ERBB4: variants seen among roughly 807,000 people sequenced by gnomAD.
ERBB4 encodes the protein receptor tyrosine-protein kinase erbB-4.
In ERBB4, 42 loss-of-function variants were observed where a neutral mutation model predicts 158.0. That is an observed-to-expected ratio of 0.27 (90% confidence interval 0.21 to 0.34). The LOEUF (loss-of-function observed/expected upper bound fraction) is 0.34. Among genes scored for constraint, ERBB4 ranks in the 10% least tolerant of loss-of-function variants. ERBB4 has a pLI of 1.00. For synonymous variants in ERBB4, 583 were observed against 558.7 expected (o/e 1.04, Z -0.61); for missense variants, 1,333 against 1,624.1 (o/e 0.82, Z 3.08).
chr2:212,415,729 A>T (rs1156414609), intron 1 of ERBB4, among the ~76,000 whole-genome samples: 1 of 152,156 alleles, frequency 6.6e-6, no homozygotes, highest in Non-Finnish European at 1.5e-5. Flanking sequence ...ATGAGTGTCT[A>T]GTTAAATATC....
At chr2:211,790,274 G>A (rs572540314) in intron 3 of ERBB4, among the ~76,000 whole-genome samples, 13 of 151,404 alleles carry the variant, frequency 8.6e-5, no homozygotes, top group African/African-American at 3.1e-4. Flanking sequence ...CTGCTATCCA[G>A]GAAATAAAGG....
Position 212,290,679 on chromosome 2 carries a change from T to C in ERBB4, c.83-165776A>G, listed in dbSNP as rs548516305. Among the ~76,000 whole-genome samples the C allele has an allele frequency of 3.2e-4, 49 of 151,896 alleles. 1 individual carries two copies. In the South Asian group the frequency reaches 6.0e-3, roughly 19 times the overall value. On this transcript the variant is annotated intron_variant, in intron 1 of 27. Transcript: ENST00000342788. ...ATTTCTTTTCGTGTGTGTGTGTGTG[T>C]GCGTGTGTGCACGTACACATGCAAG...
At chr2:212,531,454 C>T (rs1474362006) in intron 1 of ERBB4, among the ~76,000 whole-genome samples, 1 of 152,134 alleles carries the variant, frequency 6.6e-6, no homozygotes, top group Admixed American at 6.5e-5. Flanking sequence ...AGAACTATGT[C>T]TTAGTTAGGG....
At chr2:212,495,371 T>C (rs948689941) in intron 1 of ERBB4, among the ~76,000 whole-genome samples, 1 of 152,160 alleles carries the variant, frequency 6.6e-6, no homozygotes, top group African/African-American at 2.4e-5. Context: ...TAGTTTAAAC[T>C]TGGTAAGTTT....
intron 4 of ERBB4, among the ~76,000 whole-genome samples, chr2:211,765,005 G>A (rs528051638): frequency 6.6e-6 from 1 of 152,292 alleles, no homozygotes; most frequent in South Asian, 2.1e-4. Context: ...TGTGATAAAT[G>A]AGCGGTTTAG....
At chr2:212,315,038 G>C (rs1033876228) in intron 1 of ERBB4, among the ~76,000 whole-genome samples, 5 of 151,216 alleles carry the variant, frequency 3.3e-5, no homozygotes, top group Admixed American at 6.6e-5. Flanking sequence ...AGTCATGAGG[G>C]AACAGGAGCT....
intron 1 of ERBB4, among the ~76,000 whole-genome samples, chr2:212,362,183 T>C (rs1037664434): frequency 4.0e-5 from 6 of 151,512 alleles, no homozygotes; most frequent in African/African-American, 1.5e-4. Context: ...TTATTTTCTG[T>C]ACTGGCAGAT....
chr2:212,209,218 T>G (rs919612123), intron 1 of ERBB4, among the ~76,000 whole-genome samples: 1 of 152,188 alleles, frequency 6.6e-6, no homozygotes, highest in Non-Finnish European at 1.5e-5. Flanking sequence ...TTGCTGCATA[T>G]GAAACATTCT....
chr2:211,428,205 C>CAGAACTTAAAATAAAATAAAATAAA (rs2063672633), intron 22 of ERBB4, among the ~76,000 whole-genome samples: 1 of 109,232 alleles, frequency 9.2e-6, no homozygotes, highest in East Asian at 2.9e-4. Context: ...ATGTGTATCG[C>CAGAACTTAAAATAAAATAAAATAAA]AGAACTTAAA....
intron 17 of ERBB4, among the ~76,000 whole-genome samples, chr2:211,625,682 C>T (rs1014428553): frequency 5.3e-5 from 8 of 152,240 alleles, no homozygotes; most frequent in Admixed American, 4.6e-4. Context: ...CATTTGAAGG[C>T]AACTCAACCA....
intron 1 of ERBB4, among the ~76,000 whole-genome samples, chr2:212,244,407 A>T (rs1257384944): frequency 3.9e-5 from 6 of 152,266 alleles, no homozygotes; most frequent in African/African-American, 1.4e-4. Context: ...TACAACTGTG[A>T]TCTTGCCTTT....
intron 2 of ERBB4, among the ~76,000 whole-genome samples, chr2:212,096,805 G>A (rs1338061985): frequency 1.3e-5 from 2 of 152,118 alleles, no homozygotes. Context: ...TTGGGTGCCA[G>A]ACAATGGGTA....
chr2:211,396,954 T>C lies in ERBB4; in HGVS notation c.3136-8962A>G, dbSNP rs139216485. 6.8e-3 allele frequency among the ~76,000 whole-genome samples: 1,040 copies of C among 152,318 alleles called. 14 individuals are homozygous for C. Among genetic ancestry groups the C allele is most frequent in the South Asian group, 0.021 (102 of 4,828 alleles). ...ACCTGGAATTAGGACAGCTGGTTCCTGTGAGCTGATCTGAATAATGTACTG... is the reference window on the plus strand; with the variant it reads ...ACCTGGAATTAGGACAGCTGGTTCCCGTGAGCTGATCTGAATAATGTACTG... On this transcript the variant is annotated intron_variant, in intron 25 of 27. Transcript: ENST00000342788.
At chr2:212,239,315 T>C (rs1189967236) in intron 1 of ERBB4, among the ~76,000 whole-genome samples, 1 of 152,230 alleles carries the variant, frequency 6.6e-6, no homozygotes, top group African/African-American at 2.4e-5. Flanking sequence ...GTAGGTGAGA[T>C]GACAGGCATG....
At chr2:212,189,603 A>G (rs2082128333) in intron 1 of ERBB4, among the ~76,000 whole-genome samples, 1 of 152,230 alleles carries the variant, frequency 6.6e-6, no homozygotes, top group African/African-American at 2.4e-5. Context: ...CCCAAATTAT[A>G]AACAAGTTTC....
At chr2:211,942,997 C>T (rs140098528) in intron 3 of ERBB4, among the ~76,000 whole-genome samples, 5,228 of 152,116 alleles carry the variant, frequency 0.034, 129 homozygotes, top group Middle Eastern at 0.089. Flanking sequence ...TGAACTTAAG[C>T]ATTTATCTCT....
intron 16 of ERBB4, among the ~76,000 whole-genome samples, chr2:211,637,561 A>T (rs1374214997): frequency 1.3e-5 from 2 of 152,054 alleles, no homozygotes; most frequent in Non-Finnish European, 2.9e-5. Flanking sequence ...TCATAGAGGT[A>T]AACCAAAGGC....
chr2:211,774,821 G>C (rs552317075), intron 4 of ERBB4, among the ~76,000 whole-genome samples: 5 of 152,182 alleles, frequency 3.3e-5, no homozygotes, highest in Admixed American at 1.3e-4. Context: ...GCTGTTAACT[G>C]TTAGTGGGTT....
At chr2:212,143,522 G>A (rs2080554449) in intron 1 of ERBB4, among the ~76,000 whole-genome samples, 1 of 152,032 alleles carries the variant, frequency 6.6e-6, no homozygotes, top group Non-Finnish European at 1.5e-5. Context: ...TCATGAATTA[G>A]CAACGAGGTG....
Sources: gnomAD v4.1 joint callset for allele counts (sites outside exome capture counted in the v4.1 genomes callset) on GRCh38, gnomAD v4.1.1 for gene constraint, MANE v1.5 for transcripts, NCBI Gene and HGNC (gene_info 2026-07-23, HGNC 2026-07-21) for gene names.